The following CNTNAP2 variants were observed in gnomAD, a reference collection of about 807,000 sequenced individuals.
CNTNAP2 encodes contactin associated protein 2, also known as contactin-associated protein-like 2.
A neutral mutation model predicts 155.2 loss-of-function variants in CNTNAP2; 98 were observed. That is an observed-to-expected ratio of 0.63 (90% CI 0.54 to 0.75). The LOEUF (loss-of-function observed/expected upper bound fraction) is 0.75. Among genes scored for constraint, CNTNAP2 ranks in the 30% least tolerant of loss-of-function variants. CNTNAP2 has a pLI of 0.00. For missense variants in CNTNAP2, 1,727 were observed against 1,688.1 expected (o/e 1.02, Z -0.40); for synonymous variants, 651 against 631.2 (o/e 1.03, Z -0.47).
At chr7:148,057,395 T>C (rs1803039726) in intron 15 of CNTNAP2, among the ~76,000 whole-genome samples, 1 of 152,144 alleles carries the variant, frequency 6.6e-6, no homozygotes, top group Non-Finnish European at 1.5e-5. Flanking sequence ...ACTTTCAGCA[T>C]TTCTGGTGTC....
rs548179719 is a variant in CNTNAP2, at chr7:147,658,702, G to A, written c.2098+19396G>A. 1.2e-3 allele frequency among the ~76,000 whole-genome samples: 185 copies of A among 152,308 alleles called. 1 individual carries two copies. Among genetic ancestry groups the A allele is most frequent in the African/African-American group, 4.4e-3 (183 of 41,570 alleles). ...TAAATGATAGGATTGCAAGTTCAGG[G>A]TAACAGGTCATCTTTGGACTGTGGA... is the stretch of plus-strand genomic sequence containing the variant. On this transcript the variant is annotated intron_variant, in intron 13 of 23. Transcript: ENST00000361727.
chr7:148,216,661 A>T (rs1585194025), intron 18 of CNTNAP2, among the ~76,000 whole-genome samples: 1 of 151,846 alleles, frequency 6.6e-6, no homozygotes, highest in East Asian at 1.9e-4. Context: ...GGTATGTGAA[A>T]TTTTTTTCTG....
At position 147,219,945 on chromosome 7, in the gene CNTNAP2, T is replaced by C. The variant is rs1803357214; in HGVS notation, c.1349-80196T>C. Among the ~76,000 whole-genome samples the C allele has an allele frequency of 6.2e-5, 9 of 145,618 alleles. No homozygotes were observed. The South Asian group carries it at 1.9e-3, about 31-fold the overall frequency. ...CACCCACCACCACGCCCAGCTAATT[T>C]TTTTTTTTTTTTTTTTTGTATTTTT... is the stretch of plus-strand genomic sequence containing the variant. On this transcript the variant is annotated intron_variant, in intron 8 of 23. Coordinates refer to ENST00000361727, the MANE Select transcript of CNTNAP2 (RefSeq NM_014141.6).
At position 146,437,989 on chromosome 7, in the gene CNTNAP2, T is replaced by A. The variant is rs1027656075; in HGVS notation, c.97+321016T>A. On this transcript the variant is annotated intron_variant, in intron 1 of 23. Coordinates refer to ENST00000361727, the MANE Select transcript of CNTNAP2 (RefSeq NM_014141.6). ...TAACAGTACCTGTATTAGCCAGGGG[T>A]TGTTATGGAACAGAACATCATTGCT... 1.5e-4 allele frequency among the ~76,000 whole-genome samples: 22 copies of A among 151,104 alleles called. 1 individual carries two copies. The highest frequency in any genetic ancestry group is 5.2e-4 in the African/African-American group (21 of 40,584).
At chr7:146,903,649 C>T (rs953005187) in intron 3 of CNTNAP2, among the ~76,000 whole-genome samples, 1 of 152,096 alleles carries the variant, frequency 6.6e-6, no homozygotes, top group African/African-American at 2.4e-5. Flanking sequence ...GAACCTTAGG[C>T]AAAGGAATCA....
chr7:146,443,241 T>TAAA (rs1390228911), intron 1 of CNTNAP2, among the ~76,000 whole-genome samples: 81 of 150,186 alleles, frequency 5.4e-4, no homozygotes, highest in African/African-American at 1.8e-3. Context: ...AATAAATAAA[T>TAAA]AAATAAATAA....
chr7:146,140,926 G>A (rs1002948142), intron 1 of CNTNAP2, among the ~76,000 whole-genome samples: 8 of 152,100 alleles, frequency 5.3e-5, no homozygotes, highest in Non-Finnish European at 8.8e-5. Context: ...CAATCTGCAC[G>A]TCTGGCCTAC....
intron 1 of CNTNAP2, among the ~76,000 whole-genome samples, chr7:146,531,910 A>C (rs1005571471): frequency 6.6e-6 from 1 of 152,094 alleles, no homozygotes; most frequent in Non-Finnish European, 1.5e-5. Flanking sequence ...AAGAAGCAGA[A>C]AGAGCACTAT....
intron 1 of CNTNAP2, among the ~76,000 whole-genome samples, chr7:146,538,661 A>G (rs1797906070): frequency 6.6e-6 from 1 of 152,012 alleles, no homozygotes; most frequent in Non-Finnish European, 1.5e-5. Context: ...GCATTTGGCA[A>G]GCACAACACA....
chr7:146,756,639 A>G (rs1354004265), intron 1 of CNTNAP2, among the ~76,000 whole-genome samples: 2 of 152,022 alleles, frequency 1.3e-5, no homozygotes, highest in Non-Finnish European at 2.9e-5. Flanking sequence ...TGTTTCACCA[A>G]ATCGAAAACT....
intron 1 of CNTNAP2, among the ~76,000 whole-genome samples, chr7:146,574,993 C>T (rs1321168228): frequency 1.3e-5 from 2 of 152,124 alleles, no homozygotes; most frequent in African/African-American, 2.4e-5. Context: ...CTTGTTTCCC[C>T]TCATACATTT....
At chr7:147,863,634 A>C (rs1438323095) in intron 13 of CNTNAP2, among the ~76,000 whole-genome samples, 2 of 152,092 alleles carry the variant, frequency 1.3e-5, no homozygotes, top group Non-Finnish European at 2.9e-5. Flanking sequence ...AACTGGTGTG[A>C]GATGGTATCT....
chr7:146,282,731 T>C (rs1161852910), intron 1 of CNTNAP2, among the ~76,000 whole-genome samples: 1 of 152,164 alleles, frequency 6.6e-6, no homozygotes, highest in Non-Finnish European at 1.5e-5. Context: ...ATGGACAAAA[T>C]TCTGTGTATG....
At chr7:146,648,773 G>A (rs1212432001) in intron 1 of CNTNAP2, among the ~76,000 whole-genome samples, 1 of 151,998 alleles carries the variant, frequency 6.6e-6, no homozygotes, top group Non-Finnish European at 1.5e-5. Context: ...GCCCTTTGAT[G>A]CATTTAATTT....
chr7:147,746,354 G>A (rs1174939896), intron 13 of CNTNAP2, among the ~76,000 whole-genome samples: 2 of 152,110 alleles, frequency 1.3e-5, no homozygotes. Context: ...TTTCTTTCTT[G>A]TGCCCCTTCT....
chr7:148,055,935 C>T (rs1802999217), intron 15 of CNTNAP2, among the ~76,000 whole-genome samples: 2 of 152,170 alleles, frequency 1.3e-5, no homozygotes, highest in African/African-American at 4.8e-5. Flanking sequence ...AGGTTCGGGG[C>T]TCATTCCTTA....
chr7:147,200,129 TC>T (rs1335834595), intron 8 of CNTNAP2, among the ~76,000 whole-genome samples: 2 of 151,638 alleles, frequency 1.3e-5, no homozygotes, highest in African/African-American at 4.9e-5. Context: ...CCTGGTGTTC[TC>T]TTTACCCACT....
chr7:147,590,815 C>A (rs757425916), intron 12 of CNTNAP2, among the ~76,000 whole-genome samples: 7 of 152,166 alleles, frequency 4.6e-5, no homozygotes, highest in South Asian at 2.1e-4. Context: ...ATGAGGAAAG[C>A]CCTGTTTGAT....
At chr7:147,408,215 C>A (rs908469054) in intron 10 of CNTNAP2, among the ~76,000 whole-genome samples, 1 of 152,184 alleles carries the variant, frequency 6.6e-6, no homozygotes, top group Admixed American at 6.5e-5. Flanking sequence ...AAAAAACACA[C>A]AAACGCCAAA....
Sources: gnomAD v4.1 joint callset for allele counts (sites outside exome capture counted in the v4.1 genomes callset) on GRCh38, gnomAD v4.1.1 for gene constraint, MANE v1.5 for transcripts, NCBI Gene and HGNC (gene_info 2026-07-23, HGNC 2026-07-21) for gene names.